Variants in NTF3 observed in about 807,000 individuals in gnomAD.
NTF3 encodes the protein neurotrophin 3.
In NTF3, 8 loss-of-function variants were observed where a neutral mutation model predicts 26.3. The observed-to-expected ratio is 0.30, with a 90% confidence interval of 0.18 to 0.55. NTF3 has a LOEUF of 0.55. Ranked by LOEUF, NTF3 falls within the 20% of genes least tolerant of loss-of-function variation. The pLI is 0.93. For missense variants in NTF3, 276 were observed against 352.9 expected, an observed-to-expected ratio of 0.78 and a Z score of 1.75; for synonymous variants, 154 against 145.5, an observed-to-expected ratio of 1.06 and a Z score of -0.42.
In NTF3 at chr12:5,494,356, C is replaced by G; in HGVS notation, c.181C>G (p.Leu61Val). 1 of 1,614,082 alleles carries G rather than the reference C, an allele frequency of 6.2e-7. No individual in the cohort carries two copies. Among genetic ancestry groups the G allele is most frequent in the South Asian group, 1.1e-5 (1 of 91,076 alleles). ...CCAGGCAGATATTTTGAAAAACAAG[C>G]TCTCCAAGCAGATGGTGGACGTTAA... ...LIQADILKNKLSKQMVDVKEN... is the reference protein window; with the variant it reads ...LIQADILKNKVSKQMVDVKEN... The change falls in exon 2 of 2, where the codon CTC (leucine) becomes GTC (valine). Residue 61 changes from leucine (L) to valine (V), a missense_variant. Coordinates refer to ENST00000423158, the MANE Select transcript of NTF3 (RefSeq NM_001102654.2). This position sits in a 1 kb window ranked among gnomAD's most constrained non-coding sequence, Gnocchi z 8.3.
At chr12:5,482,807 C>CT (rs369366749) in intron 1 of NTF3, among the ~76,000 whole-genome samples, 10 of 151,474 alleles carry the variant, frequency 6.6e-5, no homozygotes, top group South Asian at 2.1e-4. Context: ...CTGTATCGCT[C>CT]TTTTTTTTCA....
At chr12:5,436,634 C>T (rs1038890935) in intron 1 of NTF3, among the ~76,000 whole-genome samples, 1 of 152,182 alleles carries the variant, frequency 6.6e-6, no homozygotes, top group Non-Finnish European at 1.5e-5. Context: ...AATACAGGTG[C>T]TAGCACGTAT....
At chr12:5,484,481 T>C (rs1940843718) in intron 1 of NTF3, among the ~76,000 whole-genome samples, 1 of 152,212 alleles carries the variant, frequency 6.6e-6, no homozygotes. Context: ...TAGGATGATT[T>C]TTATGGACTC....
chr12:5,494,794 CG>C lies in NTF3; in HGVS notation c.620del (p.Arg207HisfsTer34). On this transcript the variant is annotated frameshift_variant, in exon 2 of 2. Coordinates refer to ENST00000423158, the MANE Select transcript of NTF3 (RefSeq NM_001102654.2). LOFTEE classifies it high-confidence loss of function. This position sits in a 1 kb window ranked among gnomAD's most constrained non-coding sequence, Gnocchi z 8.3. ...CGTCAAACAATATTTTTATGAAACG[CG>C]ATGTAAGGAAGCCAGGCCGGTCAAA... ...SPVKQYFYET[R>X]CKEARPVKNG... 6.2e-7 allele frequency: 1 copy of C among 1,614,030 alleles called. No individual in the cohort carries two copies. The highest frequency in any genetic ancestry group is 1.1e-5 in the South Asian group (1 of 91,078).
rs142367128 is a variant in NTF3, at chr12:5,442,243, C to G, written c.18+9901C>G. On this transcript the variant is annotated intron_variant, in intron 1 of 1. Transcript: ENST00000423158. ...TTAGTACAAACCATGATTGAGAATC[C>G]TCTTGGTTCAGGAGCAAGCTGGAGG... Among the ~76,000 whole-genome samples the G allele has an allele frequency of 2.6e-4, 39 of 152,270 alleles. 1 individual carries two copies. Among genetic ancestry groups the G allele is most frequent in the African/African-American group, 8.9e-4 (37 of 41,572 alleles).
intron 1 of NTF3, among the ~76,000 whole-genome samples, chr12:5,452,096 C>CTTTTTTTTTT (rs56032205): frequency 1.6e-5 from 2 of 127,016 alleles, no homozygotes; most frequent in African/African-American, 2.9e-5. Flanking sequence ...TTTTTCTTTT[C>CTTTTTTTTTT]TTTTTTTTTT....
chr12:5,441,678 G>A (rs1016369990), intron 1 of NTF3, among the ~76,000 whole-genome samples: 1 of 152,208 alleles, frequency 6.6e-6, no homozygotes, highest in Non-Finnish European at 1.5e-5. Context: ...TGTGTTGAGT[G>A]AATGAATGCG....
At chr12:5,439,918 G>A (rs945849957) in intron 1 of NTF3, among the ~76,000 whole-genome samples, 6 of 152,224 alleles carry the variant, frequency 3.9e-5, no homozygotes, top group Non-Finnish European at 8.8e-5. Flanking sequence ...AGGTTGGGGG[G>A]CAGGGGTCAC....
chr12:5,451,988 C>CAGCT (rs1192134037), intron 1 of NTF3, among the ~76,000 whole-genome samples: 1 of 150,856 alleles, frequency 6.6e-6, no homozygotes, highest in African/African-American at 2.4e-5. Context: ...CGACCATGCC[C>CAGCT]AGCTCCCTTT....
chr12:5,486,005 T>C (rs1940861863), intron 1 of NTF3, among the ~76,000 whole-genome samples: 2 of 152,080 alleles, frequency 1.3e-5, no homozygotes, highest in Non-Finnish European at 2.9e-5. Flanking sequence ...TCAGACACCA[T>C]GGTTTTCTGG....
intron 1 of NTF3, among the ~76,000 whole-genome samples, chr12:5,480,366 G>T (rs1447161249): frequency 2.0e-5 from 3 of 152,112 alleles, no homozygotes; most frequent in Non-Finnish European, 4.4e-5. Flanking sequence ...GGAGCTGGGT[G>T]GGAAAGGAAG....
intron 1 of NTF3, among the ~76,000 whole-genome samples, chr12:5,466,799 A>G (rs1940595528): frequency 6.6e-6 from 1 of 152,100 alleles, no homozygotes; most frequent in African/African-American, 2.4e-5. Flanking sequence ...GGGAGGGGGG[A>G]CTGACAGCCA....
chr12:5,442,414 G>T (rs1940248919), intron 1 of NTF3, among the ~76,000 whole-genome samples: 1 of 152,290 alleles, frequency 6.6e-6, no homozygotes, highest in Non-Finnish European at 1.5e-5. Flanking sequence ...TGTTGTACAG[G>T]TGTTGGGGCT....
intron 1 of NTF3, among the ~76,000 whole-genome samples, chr12:5,468,391 C>G (rs1940618557): frequency 6.6e-6 from 1 of 152,030 alleles, no homozygotes; most frequent in East Asian, 1.9e-4. Context: ...TCAAGAACAG[C>G]TATCTAATTC....
chr12:5,465,226 A>G (rs1156380079), intron 1 of NTF3, among the ~76,000 whole-genome samples: 1 of 152,142 alleles, frequency 6.6e-6, no homozygotes, highest in African/African-American at 2.4e-5. Flanking sequence ...TGTGGGCTGG[A>G]TTGTTGGGGA....
intron 1 of NTF3, among the ~76,000 whole-genome samples, chr12:5,450,992 C>T (rs17180913): frequency 0.14 from 21,308 of 152,146 alleles, 1,661 homozygotes; most frequent in East Asian, 0.35. Flanking sequence ...AAGCTTAGGA[C>T]GACTCTTTTC....
In NTF3 at chr12:5,494,020, T is replaced by G. The variant is rs1591610602; in HGVS notation, c.19-174T>G. On this transcript the variant is annotated intron_variant, in intron 1 of 1. Transcript: ENST00000423158. This position sits in a 1 kb window ranked among gnomAD's most constrained non-coding sequence, Gnocchi z 8.3. ...GTGCATTCGCAGTATCTCCCGGGGG[T>G]GGGGGAAAGAAATCACCTCTTCAGA... 3.3e-6 allele frequency: 2 copies of G among 607,108 alleles called. No homozygotes were observed. Among genetic ancestry groups the G allele is most frequent in the South Asian group, 2.1e-5 (1 of 47,604 alleles). The allele number at this position is 607,108 out of a possible 1,614,324, so 37.6% of individuals were successfully genotyped here.
chr12:5,491,805 C>T (rs1940941759), intron 1 of NTF3, among the ~76,000 whole-genome samples: 1 of 150,404 alleles, frequency 6.6e-6, no homozygotes, highest in South Asian at 2.1e-4. Flanking sequence ...CTGTAAGCTC[C>T]GCCTCCCGGG....
intron 1 of NTF3, among the ~76,000 whole-genome samples, chr12:5,465,093 C>T (rs1056304069): frequency 2.0e-5 from 3 of 152,186 alleles, no homozygotes; most frequent in Non-Finnish European, 2.9e-5. Context: ...GGCTGAGGCT[C>T]AGAGAGGTGA....
Sources: gnomAD v4.1 joint callset for allele counts (sites outside exome capture counted in the v4.1 genomes callset) on GRCh38, gnomAD v4.1.1 for gene constraint, Gnocchi (gnomAD v3.1) non-coding constraint, MANE v1.5 for transcripts, NCBI Gene and HGNC (gene_info 2026-07-23, HGNC 2026-07-21) for gene names.